The following TMEM132C variants were observed in gnomAD, a reference collection of about 807,000 sequenced individuals.
TMEM132C encodes the protein protein phosphatase 1, regulatory subunit 152.
Under a neutral mutation model 61.4 loss-of-function variants are expected in TMEM132C, and 29 were observed. The ratio of observed to expected loss-of-function variants is 0.47; its 90% confidence interval spans 0.35 to 0.64. TMEM132C has a LOEUF of 0.64. Ranked by LOEUF, TMEM132C falls within the 30% of genes least tolerant of loss-of-function variation. The pLI is 0.00. For synonymous variants in TMEM132C, 656 were observed against 633.1 expected (o/e 1.04, Z -0.54); for missense variants, 1,408 against 1,476.9 (o/e 0.95, Z 0.76).
At chr12:128,475,052 G>A (rs1871110363) in intron 2 of TMEM132C, among the ~76,000 whole-genome samples, 1 of 152,154 alleles carries the variant, frequency 6.6e-6, no homozygotes, top group Admixed American at 6.5e-5. Context: ...ACGAGGCAGG[G>A]ACGTGAGGAT....
chr12:128,596,724 C>G (rs1875966456), intron 3 of TMEM132C, among the ~76,000 whole-genome samples: 1 of 152,206 alleles, frequency 6.6e-6, no homozygotes, highest in African/African-American at 2.4e-5. Flanking sequence ...GCCCCTTTCG[C>G]AGGTCCTGGT....
At chr12:128,490,016 G>C (rs1192702590) in intron 2 of TMEM132C, among the ~76,000 whole-genome samples, 1 of 152,184 alleles carries the variant, frequency 6.6e-6, no homozygotes, top group Non-Finnish European at 1.5e-5. Flanking sequence ...TAGAGTCTAG[G>C]CTGGACATTC....
intron 8 of TMEM132C, among the ~76,000 whole-genome samples, chr12:128,699,626 C>T (rs1022916493): frequency 2.0e-5 from 3 of 152,158 alleles, no homozygotes; most frequent in East Asian, 1.9e-4. Flanking sequence ...CTAGAGAAAT[C>T]GCTCAGCTTT....
At chr12:128,301,447 AT>A (rs1480073943) in intron 1 of TMEM132C, among the ~76,000 whole-genome samples, 2 of 152,168 alleles carry the variant, frequency 1.3e-5, no homozygotes, top group Non-Finnish European at 2.9e-5. Context: ...TAGTAGTAGT[AT>A]TAGTATTAGC....
At position 128,686,078 on chromosome 12, in the gene TMEM132C, C is replaced by T. The variant is rs112304904; in HGVS notation, c.1450-7751C>T. ...ATGTGTGTGTGTGCATGCGTGTGTG[C>T]GCATGTGTGTTGTGTGCGCATGTGT... On this transcript the variant is annotated intron_variant, in intron 5 of 8. Transcript: ENST00000435159. 2.5e-3 allele frequency among the ~76,000 whole-genome samples: 153 copies of T among 62,312 alleles called. No homozygotes were observed. In the Middle Eastern group the frequency reaches 0.031, roughly 13 times the overall value. 40.9% of individuals were successfully genotyped at this position (62,312 alleles called of 152,430 possible).
intron 1 of TMEM132C, among the ~76,000 whole-genome samples, chr12:128,379,098 A>T (rs1048868204): frequency 1.2e-4 from 19 of 152,172 alleles, no homozygotes; most frequent in African/African-American, 4.6e-4. Flanking sequence ...CTTTATTAGC[A>T]GCGTGAGAAC....
intron 3 of TMEM132C, among the ~76,000 whole-genome samples, chr12:128,597,296 A>G (rs7134536): frequency 0.1 from 15,673 of 151,878 alleles, 2,590 homozygotes; most frequent in African/African-American, 0.35. Flanking sequence ...CCTGGCCAAC[A>G]TGGTGAAACC....
intron 1 of TMEM132C, among the ~76,000 whole-genome samples, chr12:128,313,148 C>T (rs1422244958): frequency 1.3e-5 from 2 of 152,224 alleles, no homozygotes; most frequent in African/African-American, 4.8e-5. Context: ...AGGCTCGGGG[C>T]AGCACAGAGC....
At chr12:128,654,415 C>G (rs1029692025) in intron 4 of TMEM132C, among the ~76,000 whole-genome samples, 22 of 152,172 alleles carry the variant, frequency 1.4e-4, no homozygotes, top group South Asian at 1.2e-3. Context: ...AACTTGATTT[C>G]AAAGTTCTGG....
intron 3 of TMEM132C, among the ~76,000 whole-genome samples, chr12:128,600,105 C>G (rs551412851): frequency 6.6e-6 from 1 of 152,290 alleles, no homozygotes; most frequent in Admixed American, 6.5e-5. Flanking sequence ...GCCTCAGCCT[C>G]CTGAGTAGCT....
chr12:128,567,250 A>T (rs1421902951), intron 3 of TMEM132C, among the ~76,000 whole-genome samples: 1 of 152,208 alleles, frequency 6.6e-6, no homozygotes, highest in Non-Finnish European at 1.5e-5. Context: ...ATGCAAGAGA[A>T]AGAAGTGCCA....
At chr12:128,531,374 C>G (rs1013867001) in intron 2 of TMEM132C, among the ~76,000 whole-genome samples, 6 of 152,138 alleles carry the variant, frequency 3.9e-5, no homozygotes, top group African/African-American at 9.7e-5. Flanking sequence ...AAAGAGCGCT[C>G]AATTGGAAAC....
chr12:128,606,401 C>T (rs1260524557), intron 3 of TMEM132C, among the ~76,000 whole-genome samples: 1 of 152,236 alleles, frequency 6.6e-6, no homozygotes, highest in African/African-American at 2.4e-5. Flanking sequence ...AGTCTCTCTC[C>T]TCTCTTAAGG....
intron 2 of TMEM132C, among the ~76,000 whole-genome samples, chr12:128,508,310 C>T (rs1872448198): frequency 6.6e-6 from 1 of 152,182 alleles, no homozygotes; most frequent in African/African-American, 2.4e-5. Context: ...CCCACTGGGT[C>T]TCTCCCACAA....
intron 3 of TMEM132C, among the ~76,000 whole-genome samples, chr12:128,597,094 G>A (rs745894694): frequency 9.2e-5 from 14 of 152,130 alleles, no homozygotes; most frequent in Non-Finnish European, 1.9e-4. Flanking sequence ...CTCCAAATCA[G>A]CTTAACCAGT....
In TMEM132C at chr12:128,267,393, G is replaced by C. The variant is rs1870342129; in HGVS notation, c.-10G>C. 16 of 1,160,238 alleles carry C rather than the reference G, an allele frequency of 1.4e-5. No individual in the cohort carries two copies. The highest frequency in any genetic ancestry group is 4.2e-5 in the South Asian group (1 of 24,024). The allele number at this position is 1,160,238 out of a possible 1,614,324, so 71.9% of individuals were successfully genotyped here. ...CTGGCGGCGGGCTGCGTGAGCGGCC[G>C]GGACGCAGGATGCGCTCCGAGGGTG... is the stretch of plus-strand genomic sequence containing the variant. On this transcript the variant is annotated 5_prime_UTR_variant, in exon 1 of 9. Coordinates refer to ENST00000435159, the MANE Select transcript of TMEM132C (RefSeq NM_001136103.3).
In TMEM132C at chr12:128,391,607, A is replaced by G. The variant is rs551115152; in HGVS notation, c.86-23125A>G. Among the ~76,000 whole-genome samples the G allele has an allele frequency of 1.3e-4, 20 of 152,352 alleles. 1 individual carries two copies. In the South Asian group the frequency reaches 3.9e-3, roughly 30 times the overall value. ...TTTTAATTGTTTTATATGCATTGAC[A>G]TAGTTCATCCTTATGAACTATCCAT... On this transcript the variant is annotated intron_variant, in intron 1 of 8. Coordinates refer to ENST00000435159, the MANE Select transcript of TMEM132C (RefSeq NM_001136103.3).
At position 128,694,049 on chromosome 12, in the gene TMEM132C, G is replaced by A; in HGVS notation, c.1655+15G>A. Reference sequence around the variant, plus strand: ...ACCAATAAGAGGTGAGCCTCGGATGGGGAGATGCCCTAGAGCCAAAACAAC... The same window carrying A: ...ACCAATAAGAGGTGAGCCTCGGATGAGGAGATGCCCTAGAGCCAAAACAAC... On this transcript the variant is annotated intron_variant, in intron 6 of 8. Coordinates refer to ENST00000435159, the MANE Select transcript of TMEM132C (RefSeq NM_001136103.3). 1.3e-6 allele frequency: 2 copies of A among 1,551,006 alleles called. No homozygotes were observed. Among genetic ancestry groups the A allele is most frequent in the South Asian group, 1.2e-5 (1 of 84,012 alleles).
intron 2 of TMEM132C, among the ~76,000 whole-genome samples, chr12:128,491,376 G>A (rs918442694): frequency 3.9e-5 from 6 of 152,182 alleles, no homozygotes; most frequent in Non-Finnish European, 8.8e-5. Flanking sequence ...TTTGCTTCCG[G>A]CGGCCCTGCC....
Sources: allele counts gnomAD v4.1 joint callset (sites outside exome capture counted in the v4.1 genomes callset), GRCh38; gene constraint gnomAD v4.1.1; transcripts MANE v1.5; gene names NCBI Gene and HGNC (gene_info 2026-07-23, HGNC 2026-07-21).